Variants in EXOC4 observed in about 807,000 individuals in gnomAD.
The protein encoded by EXOC4 is exocyst complex component 4.
In EXOC4, 71 loss-of-function variants were observed where a neutral mutation model predicts 107.2. That is an observed-to-expected ratio of 0.66 (90% CI 0.55 to 0.81). The LOEUF is 0.81. Among genes scored for constraint, EXOC4 ranks in the 30% least tolerant of loss-of-function variants. The probability of loss-of-function intolerance (pLI) is 0.00; values close to 1 mark genes in which losing one functional copy is unlikely to be tolerated. For missense variants in EXOC4, 1,108 were observed against 1,189.6 expected (o/e 0.93, Z 1.01); for synonymous variants, 456 against 441.2 (o/e 1.03, Z -0.42).
At chr7:133,764,816 C>A (rs1452790139) in intron 10 of EXOC4, among the ~76,000 whole-genome samples, 1 of 151,998 alleles carries the variant, frequency 6.6e-6, no homozygotes, top group Non-Finnish European at 1.5e-5. Context: ...GTCTGTTATA[C>A]ATATGTACAG....
chr7:133,824,900 C>T (rs1454239261), intron 11 of EXOC4, among the ~76,000 whole-genome samples: 1 of 152,196 alleles, frequency 6.6e-6, no homozygotes, highest in African/African-American at 2.4e-5. Context: ...ACCTTAATTA[C>T]ATCTAAAAAG....
At chr7:133,597,224 G>T (rs959783695) in intron 9 of EXOC4, among the ~76,000 whole-genome samples, 1 of 152,118 alleles carries the variant, frequency 6.6e-6, no homozygotes, top group African/African-American at 2.4e-5. Flanking sequence ...TACAAGTCAG[G>T]TGTAGTTCAG....
At chr7:133,483,378 C>G (rs924750639) in intron 9 of EXOC4, among the ~76,000 whole-genome samples, 20 of 152,140 alleles carry the variant, frequency 1.3e-4, no homozygotes, top group African/African-American at 4.3e-4. Flanking sequence ...AAATATTGCC[C>G]TTGAGCTCTC....
chr7:133,327,767 C>T (rs998571014), intron 5 of EXOC4, among the ~76,000 whole-genome samples: 1 of 152,086 alleles, frequency 6.6e-6, no homozygotes, highest in African/African-American at 2.4e-5. Flanking sequence ...TTTCTTAATC[C>T]TGAGTTCTAA....
intron 3 of EXOC4, among the ~76,000 whole-genome samples, chr7:133,289,518 G>T (rs1183973255): frequency 1.3e-5 from 2 of 152,128 alleles, no homozygotes; most frequent in African/African-American, 2.4e-5. Flanking sequence ...TTACATTAGG[G>T]CTTTGTTCTT....
At chr7:133,718,103 G>A (rs1202023323) in intron 10 of EXOC4, among the ~76,000 whole-genome samples, 3 of 152,140 alleles carry the variant, frequency 2.0e-5, no homozygotes, top group Admixed American at 6.5e-5. Flanking sequence ...CTGATTGCCC[G>A]CCTCACCCAG....
the EXOC4 span, among the ~76,000 whole-genome samples, chr7:134,076,428 G>T: frequency 1.3e-5 from 2 of 152,072 alleles, no homozygotes. Flanking sequence ...TGAGGCAGGA[G>T]AATGGTGTGA....
chr7:133,755,616 A>G (rs1795900274), intron 10 of EXOC4, among the ~76,000 whole-genome samples: 1 of 151,884 alleles, frequency 6.6e-6, no homozygotes, highest in African/African-American at 2.4e-5. Flanking sequence ...TGCTGGGATT[A>G]CAGGCATGAG....
At chr7:133,914,912 A>C (rs6942890) in intron 12 of EXOC4, among the ~76,000 whole-genome samples, 2 of 152,200 alleles carry the variant, frequency 1.3e-5, no homozygotes, top group Admixed American at 1.3e-4. Flanking sequence ...CACTTCATAG[A>C]AGGAACTTAA....
chr7:133,448,811 G>A (rs1171360466), intron 7 of EXOC4, among the ~76,000 whole-genome samples: 2 of 152,142 alleles, frequency 1.3e-5, no homozygotes, highest in South Asian at 2.1e-4. Flanking sequence ...CTTATAGGAA[G>A]ATGGAAATTT....
intron 6 of EXOC4, among the ~76,000 whole-genome samples, chr7:133,361,413 T>A (rs909411932): frequency 1.1e-4 from 16 of 152,168 alleles, no homozygotes; most frequent in Non-Finnish European, 2.1e-4. Context: ...CCCAAGTAAC[T>A]GGGACTACAG....
chr7:133,414,699 T>C (rs924097399), intron 7 of EXOC4, among the ~76,000 whole-genome samples: 2 of 152,168 alleles, frequency 1.3e-5, no homozygotes, highest in Non-Finnish European at 2.9e-5. Context: ...ATAATATATG[T>C]AATGTAACTA....
At chr7:133,726,152 G>A (rs945102456) in intron 10 of EXOC4, among the ~76,000 whole-genome samples, 1 of 152,148 alleles carries the variant, frequency 6.6e-6, no homozygotes, top group Non-Finnish European at 1.5e-5. Flanking sequence ...ACCATGGGTA[G>A]GAATAAGATC....
chr7:133,510,799 G>A (rs1449812366), intron 9 of EXOC4, among the ~76,000 whole-genome samples: 1 of 152,200 alleles, frequency 6.6e-6, no homozygotes, highest in East Asian at 1.9e-4. Flanking sequence ...TAAGGACAGA[G>A]TGGTACATAT....
At chr7:133,768,015 A>G (rs183950706) in intron 10 of EXOC4, 4 of 152,042 alleles carry the variant, frequency 2.6e-5, no homozygotes, top group Admixed American at 2.6e-4. Flanking sequence ...TTATCCATGA[A>G]CTCATCTGAG....
chr7:133,991,860 G>C (rs1794268539), intron 14 of EXOC4, among the ~76,000 whole-genome samples: 1 of 152,126 alleles, frequency 6.6e-6, no homozygotes, highest in Non-Finnish European at 1.5e-5. Flanking sequence ...CCATAGCTTT[G>C]TAGTACAATT....
chr7:133,926,396 G>T (rs1800053353), intron 13 of EXOC4, among the ~76,000 whole-genome samples: 1 of 152,044 alleles, frequency 6.6e-6, no homozygotes, highest in Non-Finnish European at 1.5e-5. Flanking sequence ...ACTGATATTT[G>T]AGTCATTTTA....
intron 15 of EXOC4, among the ~76,000 whole-genome samples, chr7:134,004,573 A>G (rs1172438607): frequency 6.6e-6 from 1 of 152,216 alleles, no homozygotes; most frequent in East Asian, 1.9e-4. Flanking sequence ...AGAGAATTTT[A>G]GAACTCCTTC....
At chr7:133,540,617 A>AT (rs1800362117) in intron 9 of EXOC4, among the ~76,000 whole-genome samples, 1 of 152,158 alleles carries the variant, frequency 6.6e-6, no homozygotes, top group Admixed American at 6.5e-5. Context: ...TTGCATATAT[A>AT]TATGTATGTG....
Sources: gnomAD v4.1 joint callset for allele counts (sites outside exome capture counted in the v4.1 genomes callset) on GRCh38, gnomAD v4.1.1 for gene constraint, MANE v1.5 for transcripts, NCBI Gene and HGNC (gene_info 2026-07-23, HGNC 2026-07-21) for gene names.